Variants in LRRK2 observed in about 807,000 individuals in gnomAD.
The protein encoded by LRRK2 is leucine rich repeat kinase 2, also known as leucine-rich repeat serine/threonine-protein kinase 2.
LRRK2 carries 203 observed loss-of-function variants against 302.6 expected under a neutral mutation model. The observed-to-expected ratio is 0.67, with a 90% CI of 0.60 to 0.75. The LOEUF is 0.75. LRRK2 is among the 30% of genes least tolerant of loss of function. LRRK2 has a pLI of 0.00. For missense variants in LRRK2, 2,830 were observed against 2,951.0 expected (o/e 0.96, Z 0.95); for synonymous variants, 1,066 against 1,031.9 (o/e 1.03, Z -0.63).
In LRRK2 at chr12:40,345,218, T is replaced by G. The variant is rs191087811; in HGVS notation, c.6110-1535T>G. On this transcript the variant is annotated intron_variant, in intron 41 of 50. Transcript: ENST00000298910. ...AGGAAGATAAAATGCACAGATAATT[T>G]TAGCAAATGAAATAATAATTATATT... 5.1e-4 allele frequency among the ~76,000 whole-genome samples: 78 copies of G among 152,346 alleles called. 1 individual carries two copies. The highest frequency in any genetic ancestry group is 1.0e-3 in the Non-Finnish European group (69 of 68,032).
chr12:40,341,187 G>C (rs1225932677), intron 41 of LRRK2, among the ~76,000 whole-genome samples: 1 of 152,146 alleles, frequency 6.6e-6, no homozygotes, highest in African/African-American at 2.4e-5. Flanking sequence ...CATTTGTTTG[G>C]AGTGTGGGGA....
intron 21 of LRRK2, 109 bp downstream of exon 21, chr12:40,293,772 G>A: frequency 1.4e-6 from 1 of 726,584 alleles, no homozygotes; most frequent in East Asian, 2.7e-5. Context: ...TTTCCCTGAT[G>A]TATGAAAACT....
intron 41 of LRRK2, 62 bp from the exon 42 acceptor site, chr12:40,346,691 C>A: frequency 6.7e-7 from 1 of 1,482,614 alleles, no homozygotes; most frequent in Non-Finnish European, 9.4e-7. Context: ...TAAGTGTATG[C>A]CTCCTTGGAT....
chr12:40,328,201 G>A (rs1423888380), intron 38 of LRRK2, among the ~76,000 whole-genome samples, 159 bp from the exon 39 acceptor site: 3 of 152,194 alleles, frequency 2.0e-5, no homozygotes, highest in Non-Finnish European at 4.4e-5. Flanking sequence ...TCTTGGAGTA[G>A]AAGGAAGAGG....
chr12:40,300,142 T>C lies in LRRK2; in HGVS notation c.3496+885T>C, dbSNP rs986355803. ...TAAATATGATTACTCTTTGCTGTTG[T>C]TAGAAATAAAATTAATCATTTAATG... On this transcript the variant is annotated intron_variant, in intron 25 of 50. Coordinates refer to ENST00000298910, the MANE Select transcript of LRRK2 (RefSeq NM_198578.4). Among the ~76,000 whole-genome samples the C allele has an allele frequency of 2.0e-5, 3 of 152,302 alleles. No individual in the cohort carries two copies. In the East Asian group the frequency reaches 5.8e-4, roughly 29 times the overall value.
At chr12:40,261,397 T>A (rs1484554092) in intron 13 of LRRK2, among the ~76,000 whole-genome samples, 1 of 152,158 alleles carries the variant, frequency 6.6e-6, no homozygotes, top group Non-Finnish European at 1.5e-5. Context: ...CTTAAACTGA[T>A]CCTGAAGGAA....
rs761642658 is a variant in LRRK2, at chr12:40,257,399, G to A, written c.1418+22G>A. On this transcript the variant is annotated intron_variant, in intron 12 of 50. Transcript: ENST00000298910. ...GAAGGTAATATAGATTCATTAACTT[G>A]TACAGAATATATCATATTGGGCCAG... 22 of 1,607,134 alleles carry A rather than the reference G, an allele frequency of 1.4e-5. 1 individual carries two copies. The East Asian group carries it at 3.6e-4, about 26-fold the overall frequency.
intron 40 of LRRK2, among the ~76,000 whole-genome samples, chr12:40,337,624 T>G (rs1449863741): frequency 6.6e-6 from 1 of 152,210 alleles, no homozygotes; most frequent in Admixed American, 6.5e-5. Flanking sequence ...TTCATTTATT[T>G]TTATGCCACT....
intron 10 of LRRK2, 75 bp from the exon 11 acceptor site, chr12:40,252,835 T>G (rs1267870666): frequency 2.1e-6 from 2 of 954,620 alleles, no homozygotes; most frequent in Non-Finnish European, 3.4e-6. Context: ...TTAGAGATAT[T>G]TGATAATGGC....
intron 2 of LRRK2, among the ~76,000 whole-genome samples, chr12:40,227,237 T>C (rs1260164159): frequency 9.2e-5 from 14 of 152,204 alleles, no homozygotes; most frequent in Admixed American, 9.2e-4. Flanking sequence ...ATTTGATACA[T>C]GTATACAATG....
At chr12:40,320,367 T>C (rs1482116256) in intron 34 of LRRK2, among the ~76,000 whole-genome samples, 192 bp downstream of exon 34, 1 of 152,098 alleles carries the variant, frequency 6.6e-6, no homozygotes, top group Non-Finnish European at 1.5e-5. Context: ...AACAATATAG[T>C]AAATCACTTA....
intron 7 of LRRK2, among the ~76,000 whole-genome samples, chr12:40,247,255 A>T (rs1339113947): frequency 6.6e-6 from 1 of 151,926 alleles, no homozygotes; most frequent in African/African-American, 2.4e-5. Context: ...ATTTTTTGTA[A>T]GCTGAATTCT....
Position 40,304,092 on chromosome 12 carries a change from T to C in LRRK2, c.3735T>C (p.Ser1245=). 6.2e-7 allele frequency: 1 copy of C among 1,613,542 alleles called. No homozygotes were observed. Among genetic ancestry groups the C allele is most frequent in the Non-Finnish European group, 8.5e-7 (1 of 1,179,696 alleles). ...LDLSEKAYLW[S]RVEKLHLSHN... ...TGAGTGAAAAAGCATATTTATGGTCTAGAGTAGAGAAACTGCATCTTTCTC... is the reference window on the plus strand; with the variant it reads ...TGAGTGAAAAAGCATATTTATGGTCCAGAGTAGAGAAACTGCATCTTTCTC... Residue 1245 remains serine (S), a synonymous_variant, in exon 27 of 51, where the codon TCT becomes TCC. Transcript: ENST00000298910.
intron 20 of LRRK2, among the ~76,000 whole-genome samples, chr12:40,290,060 T>C (rs1211495410): frequency 6.6e-6 from 1 of 151,984 alleles, no homozygotes; most frequent in Non-Finnish European, 1.5e-5. Flanking sequence ...TGACATTATC[T>C]GTAGTTTTTC....
At chr12:40,243,305 CTT>C (rs980453817) in intron 6 of LRRK2, among the ~76,000 whole-genome samples, 3 of 151,982 alleles carry the variant, frequency 2.0e-5, no homozygotes, top group African/African-American at 7.2e-5. Context: ...GATCTTAAGG[CTT>C]TAAGCCAAGA....
At chr12:40,235,104 A>T (rs572713956) in intron 3 of LRRK2, among the ~76,000 whole-genome samples, 1 of 152,148 alleles carries the variant, frequency 6.6e-6, no homozygotes, top group South Asian at 2.1e-4. Context: ...TACATTGTGA[A>T]TTATTCACCA....
At chr12:40,340,191 T>G in intron 40 of LRRK2, 103 bp from the exon 41 acceptor site, 1 of 1,199,104 alleles carries the variant, frequency 8.3e-7, no homozygotes, top group Non-Finnish European at 1.2e-6. Context: ...GCACAGAATT[T>G]TTGATGCTTG....
Position 40,278,233 on chromosome 12 carries a change from C to T in LRRK2, c.2213C>T (p.Ala738Val). 1 of 1,614,120 alleles carries T rather than the reference C, an allele frequency of 6.2e-7. No homozygotes were observed. Among genetic ancestry groups the T allele is most frequent in the Non-Finnish European group, 8.5e-7 (1 of 1,179,994 alleles). The change falls in exon 18 of 51, where the codon GCA (alanine) becomes GTA (valine). Residue 738 changes from alanine (A) to valine (V), a missense_variant. Ala to Val is a moderately conservative substitution (Grantham distance 64, BLOSUM62 0). Coordinates refer to ENST00000298910, the MANE Select transcript of LRRK2 (RefSeq NM_198578.4). ...CTATTGGGAGCAGATGCCAATCAAG[C>T]AAAGGAGGGATCTTCTTTAATTTGT... Reference protein sequence around the residue: ...LLLLGADANQAKEGSSLICQV... With the variant: ...LLLLGADANQVKEGSSLICQV...
At chr12:40,227,655 A>G (rs1335421126) in intron 2 of LRRK2, among the ~76,000 whole-genome samples, 1 of 152,200 alleles carries the variant, frequency 6.6e-6, no homozygotes, top group East Asian at 1.9e-4. Context: ...TGACTGAATA[A>G]TATTCCATTG....
Sources: allele counts gnomAD v4.1 joint callset (sites outside exome capture counted in the v4.1 genomes callset), GRCh38; gene constraint gnomAD v4.1.1; transcripts MANE v1.5; gene names NCBI Gene and HGNC (gene_info 2026-07-23, HGNC 2026-07-21).